The following SYT17 variants were observed in gnomAD, a reference collection of about 807,000 sequenced individuals.
SYT17 encodes synaptotagmin-17.
A neutral mutation model predicts 46.7 loss-of-function variants in SYT17; 22 were observed. The ratio of observed to expected loss-of-function variants is 0.47; its 90% CI spans 0.34 to 0.67. The LOEUF (loss-of-function observed/expected upper bound fraction) is 0.67. SYT17 is among the 30% of genes least tolerant of loss of function. The pLI, the probability that SYT17 is intolerant of heterozygous loss-of-function variation, is 0.01. For synonymous variants in SYT17, 251 were observed against 248.4 expected, an observed-to-expected ratio of 1.01 and a Z score of -0.10; for missense variants, 519 against 612.8, an observed-to-expected ratio of 0.85 and a Z score of 1.62.
intron 7 of SYT17, among the ~76,000 whole-genome samples, chr16:19,249,447 A>G (rs1967869247): frequency 6.6e-6 from 1 of 152,166 alleles, no homozygotes; most frequent in Admixed American, 6.5e-5. Context: ...TATCTTGATT[A>G]TCTATGGTGG....
chr16:19,219,037 A>G (rs971971220), intron 5 of SYT17, among the ~76,000 whole-genome samples: 1 of 151,904 alleles, frequency 6.6e-6, no homozygotes, highest in African/African-American at 2.4e-5. Context: ...ATTCTCTTAC[A>G]CTGCCTAATT....
At chr16:19,238,312 C>T (rs1013038964) in intron 7 of SYT17, among the ~76,000 whole-genome samples, 2 of 152,228 alleles carry the variant, frequency 1.3e-5, no homozygotes, top group African/African-American at 2.4e-5. Flanking sequence ...TAAATGGGCT[C>T]AGTGCAGTGC....
chr16:19,182,064 C>G (rs1253977624), intron 4 of SYT17, among the ~76,000 whole-genome samples: 1 of 150,798 alleles, frequency 6.6e-6, no homozygotes, highest in Non-Finnish European at 1.5e-5. Context: ...TATATTGGTT[C>G]CATGTTGAAA....
At chr16:19,178,107 G>A (rs553573606) in intron 3 of SYT17, among the ~76,000 whole-genome samples, 22 of 150,290 alleles carry the variant, frequency 1.5e-4, no homozygotes, top group African/African-American at 5.4e-4. Flanking sequence ...TTTTTGAGAC[G>A]GAGTCTAGCT....
chr16:19,261,061 G>T (rs529058494), intron 7 of SYT17, among the ~76,000 whole-genome samples: 1 of 151,912 alleles, frequency 6.6e-6, no homozygotes, highest in East Asian at 1.9e-4. Context: ...AGCTGGTCTC[G>T]AACTCCTGGG....
At chr16:19,241,364 C>T (rs978089249) in intron 7 of SYT17, among the ~76,000 whole-genome samples, 15 of 152,142 alleles carry the variant, frequency 9.9e-5, no homozygotes, top group African/African-American at 2.4e-4. Context: ...TGCCTTCCTG[C>T]GCCCCCAAGA....
chr16:19,230,293 GCTA>G (rs1360365547), intron 7 of SYT17, among the ~76,000 whole-genome samples: 1 of 151,980 alleles, frequency 6.6e-6, no homozygotes, highest in Non-Finnish European at 1.5e-5. Context: ...TGTAATTCCA[GCTA>G]CTCGGGAGGC....
At chr16:19,261,021 T>C (rs1378121436) in intron 7 of SYT17, among the ~76,000 whole-genome samples, 1 of 152,046 alleles carries the variant, frequency 6.6e-6, no homozygotes, top group South Asian at 2.1e-4. Flanking sequence ...AAAAAAAAAT[T>C]GTAGAAAGAG....
rs542786079 is a variant in SYT17, at chr16:19,235,673, C to T, written c.1228+10835C>T. Among the ~76,000 whole-genome samples the T allele has an allele frequency of 9.2e-4, 140 of 152,166 alleles. No homozygotes were observed. The Middle Eastern group carries it at 0.017, about 18-fold the overall frequency. On this transcript the variant is annotated intron_variant, in intron 7 of 7. Transcript: ENST00000355377. ...AAGCAACTATTATAACCATGCTCCA[C>T]GAAGTAAGGGTGAACCCTCTTGAAA...
chr16:19,229,552 C>T (rs562009355), intron 7 of SYT17, among the ~76,000 whole-genome samples: 42 of 152,330 alleles, frequency 2.8e-4, no homozygotes, highest in African/African-American at 8.9e-4. Context: ...CCAGGCCCCA[C>T]CTCCAACATT....
chr16:19,260,016 G>A (rs1448467808), intron 7 of SYT17, among the ~76,000 whole-genome samples: 3 of 151,992 alleles, frequency 2.0e-5, no homozygotes, highest in Non-Finnish European at 4.4e-5. Context: ...GAGTGTGTGG[G>A]GTGACTTCCA....
At chr16:19,229,949 G>A (rs1328676154) in intron 7 of SYT17, among the ~76,000 whole-genome samples, 1 of 152,160 alleles carries the variant, frequency 6.6e-6, no homozygotes, top group Non-Finnish European at 1.5e-5. Flanking sequence ...AGTGAAACAA[G>A]CCAGATATGA....
At chr16:19,232,316 C>A (rs527329108) in intron 7 of SYT17, among the ~76,000 whole-genome samples, 3 of 152,282 alleles carry the variant, frequency 2.0e-5, no homozygotes, top group East Asian at 3.9e-4. Flanking sequence ...GAGAATATGG[C>A]GTCTCTATTT....
chr16:19,251,867 C>T (rs565718075), intron 7 of SYT17, among the ~76,000 whole-genome samples: 2 of 152,254 alleles, frequency 1.3e-5, no homozygotes, highest in South Asian at 2.1e-4. Flanking sequence ...CAGGGCCACA[C>T]GGTCTCTACA....
Position 19,173,479 on chromosome 16 carries a change from G to A in SYT17, c.83G>A (p.Arg28Gln), listed in dbSNP as rs761117193. The A allele has an allele frequency of 5.2e-5, 81 of 1,561,832 alleles. No individual in the cohort carries two copies. Among genetic ancestry groups the A allele is most frequent in the South Asian group, 4.4e-4 (40 of 90,070 alleles). ...CTGCTGCTGTGCAGATGGACCTGCC[G>A]GCACTGCTGTCAGAAGTGCTACGAG... ...SGLLLCRWTC[R>Q]HCCQKCYESS... The change falls in exon 3 of 8, where the codon CGG becomes CAG. Residue 28 changes from arginine (R) to glutamine (Q), a missense_variant. Transcript: ENST00000355377.
intron 5 of SYT17, among the ~76,000 whole-genome samples, chr16:19,190,798 G>A (rs1297556416): frequency 7.1e-6 from 1 of 140,156 alleles, no homozygotes; most frequent in Admixed American, 7.1e-5. Flanking sequence ...GTGTGTGTGT[G>A]TGTGTGTGTG....
chr16:19,187,071 G>A (rs1964817444), intron 5 of SYT17, among the ~76,000 whole-genome samples: 1 of 152,062 alleles, frequency 6.6e-6, no homozygotes, highest in African/African-American at 2.4e-5. Flanking sequence ...GTCTTGCTCA[G>A]TCGCCCAGGC....
rs565957530 is a variant in SYT17 at position 19,246,555 on chromosome 16, T to G, written c.1229-20325T>G. On this transcript the variant is annotated intron_variant, in intron 7 of 7. Coordinates refer to ENST00000355377, the MANE Select transcript of SYT17 (RefSeq NM_016524.4). ...AGCTAACCACTTGTAACATCTAGGCTCTTTCCAGGAATGTATGCACTAATA... is the reference window on the plus strand; with the variant it reads ...AGCTAACCACTTGTAACATCTAGGCGCTTTCCAGGAATGTATGCACTAATA... Among the ~76,000 whole-genome samples the G allele has an allele frequency of 3.3e-5, 5 of 152,320 alleles. No homozygotes were observed. The South Asian group carries it at 1.0e-3, about 32-fold the overall frequency.
chr16:19,228,159 C>G (rs1354763256), intron 7 of SYT17, among the ~76,000 whole-genome samples: 1 of 152,052 alleles, frequency 6.6e-6, no homozygotes, highest in Non-Finnish European at 1.5e-5. Flanking sequence ...TTTCGAATTC[C>G]TTGAATTCCA....
Sources: allele counts gnomAD v4.1 joint callset (sites outside exome capture counted in the v4.1 genomes callset), GRCh38; gene constraint gnomAD v4.1.1; transcripts MANE v1.5; gene names NCBI Gene and HGNC (gene_info 2026-07-23, HGNC 2026-07-21).